The following SVEP1 variants were observed in gnomAD, a reference collection of about 807,000 sequenced individuals.
SVEP1 encodes the protein sushi, von Willebrand factor type A, EGF and pentraxin domain containing 1, also known as sushi, von Willebrand factor type A, EGF and pentraxin domain-containing protein 1.
A neutral mutation model predicts 367.3 loss-of-function variants in SVEP1; 164 were observed. That is an observed-to-expected ratio of 0.45 (90% confidence interval 0.39 to 0.51). The LOEUF is 0.51. Among genes scored for constraint, SVEP1 ranks in the 20% least tolerant of loss-of-function variants. SVEP1 has a pLI of 0.00. For synonymous variants in SVEP1, 1,666 were observed against 1,611.6 expected (o/e 1.03, Z -0.81); for missense variants, 4,117 against 4,425.3 (o/e 0.93, Z 1.98).
At chr9:110,438,706 C>T (rs1828468801) in intron 27 of SVEP1, among the ~76,000 whole-genome samples, 1 of 152,136 alleles carries the variant, frequency 6.6e-6, no homozygotes, top group Admixed American at 6.5e-5. Flanking sequence ...GGTAGTTAAA[C>T]TGATGGTTGC....
rs1054197294 is a variant in SVEP1 at position 110,434,386 on chromosome 9, T to C, written c.5009A>G (p.Gln1670Arg). Residue 1670 changes from glutamine to arginine, a missense_variant, in exon 30 of 48, where the codon CAG becomes CGG. By Grantham distance (43) the Gln-to-Arg change is conservative. This residue lies in a region of SVEP1 where 2,174 missense variants were observed against 2,494.3 expected (regional missense o/e 0.87). Transcript: ENST00000374469. ...PGFQLVGNPV[Q>R]YCLNQGQWTQ... The stretch of plus-strand genomic sequence containing the variant: ...CCACTGTCCTTGATTCAGACAGTAC[T>C]GCACAGGGTTCCCGACCAGCTGGAA... 6.2e-7 allele frequency: 1 copy of C among 1,613,372 alleles called. No individual in the cohort carries two copies. Among genetic ancestry groups the C allele is most frequent in the African/African-American group, 1.3e-5 (1 of 75,028 alleles).
At chr9:110,553,514 C>A (rs1830317768) in intron 1 of SVEP1, among the ~76,000 whole-genome samples, 1 of 152,136 alleles carries the variant, frequency 6.6e-6, no homozygotes, top group South Asian at 2.1e-4. Context: ...TTTTTGGAAT[C>A]CTGCCATCAC....
At chr9:110,540,730 G>C (rs909529223) in intron 3 of SVEP1, among the ~76,000 whole-genome samples, 1 of 152,130 alleles carries the variant, frequency 6.6e-6, no homozygotes, top group Admixed American at 6.6e-5. Flanking sequence ...ACTATTACTT[G>C]TCAGTGATTT....
chr9:110,530,711 A>AT lies in SVEP1; in HGVS notation c.964+15403dup, dbSNP rs1173016797. 7.2e-5 allele frequency among the ~76,000 whole-genome samples: 11 copies of AT among 151,892 alleles called. No homozygotes were observed. In the East Asian group the frequency reaches 2.1e-3, roughly 29 times the overall value. ...ACCACAGTGACCAGCTAATTTTTGT[A>AT]TTTTTTGTAGAGACGGGGTCTCACC... On this transcript the variant is annotated intron_variant, in intron 3 of 47. Coordinates refer to ENST00000374469, the MANE Select transcript of SVEP1 (RefSeq NM_153366.4).
At chr9:110,460,683 C>T (rs1234908624) in intron 18 of SVEP1, among the ~76,000 whole-genome samples, 1 of 151,800 alleles carries the variant, frequency 6.6e-6, no homozygotes, top group Admixed American at 6.6e-5. Context: ...ACCCAGGAGG[C>T]AGAGGTTGCA....
At chr9:110,528,154 G>GTATATATATATATATATA (rs1265572366) in intron 3 of SVEP1, among the ~76,000 whole-genome samples, 2 of 25,704 alleles carry the variant, frequency 7.8e-5, no homozygotes, top group Non-Finnish European at 1.1e-4. Context: ...GTGTGTGTGT[G>GTATATATATATATATATA]TGTATATATA....
intron 4 of SVEP1, 27 bp downstream of exon 4, chr9:110,513,921 C>T (rs1277881802): frequency 6.3e-7 from 1 of 1,595,472 alleles, no homozygotes; most frequent in African/African-American, 1.3e-5. Context: ...TTTTATATTT[C>T]CCATTTTCCA....
rs1408264453 is a variant in SVEP1 at position 110,579,091 on chromosome 9, C to G, written c.453G>C (p.Ala151=). Residue 151 remains alanine (A), a synonymous_variant, in exon 1 of 48, where the codon GCG becomes GCC. Coordinates refer to ENST00000374469, the MANE Select transcript of SVEP1 (RefSeq NM_153366.4). The surrounding 1 kb of genome is among the most constrained non-coding windows in gnomAD (Gnocchi z 5.3). ...STRRARQHKC[A]LLLQEIPAIS... is the part of the protein sequence containing the mutation. ...TGGCAGGGATCTCTTGGAGGAGCAG[C>G]GCGCACTTGTGCTGGCGCGCGCGGC... 126 of 1,552,084 alleles carry G rather than the reference C, an allele frequency of 8.1e-5. No individual in the cohort carries two copies. Among genetic ancestry groups the G allele is most frequent in the Non-Finnish European group, 9.7e-5 (111 of 1,148,010 alleles).
intron 13 of SVEP1, among the ~76,000 whole-genome samples, chr9:110,476,968 C>T (rs1473989346): frequency 6.6e-6 from 1 of 152,154 alleles, no homozygotes; most frequent in Non-Finnish European, 1.5e-5. Flanking sequence ...GTGACAGTCA[C>T]CTGCAGCATT....
At chr9:110,543,890 G>A (rs2118839359) in intron 3 of SVEP1, among the ~76,000 whole-genome samples, 2 of 152,248 alleles carry the variant, frequency 1.3e-5, no homozygotes, top group South Asian at 4.1e-4. Context: ...GAGGCACTTT[G>A]CCAACTCAGA....
Position 110,459,186 on chromosome 9 carries a change from T to C in SVEP1, c.3323-73A>G, listed in dbSNP as rs1306354490. The C allele has an allele frequency of 1.3e-5, 19 of 1,420,412 alleles. No individual in the cohort carries two copies. In the Admixed American group the frequency reaches 3.6e-4, roughly 27 times the overall value. 88.0% of individuals were successfully genotyped at this position (1,420,412 alleles called of 1,614,324 possible). A position where few individuals can be genotyped will look rare whatever the true frequency, so the allele number is the denominator to read the frequency against. On this transcript the variant is annotated intron_variant, in intron 18 of 47. Transcript: ENST00000374469. ...TACATTTGAAAGAAGTGATTTAATCTGTGCATATAAGAAACCTACTGAATT... is the reference window on the plus strand; with the variant it reads ...TACATTTGAAAGAAGTGATTTAATCCGTGCATATAAGAAACCTACTGAATT...
chr9:110,515,562 AGTGCTGGGATTACAGGC>A (rs1829789433), intron 3 of SVEP1, among the ~76,000 whole-genome samples: 1 of 152,074 alleles, frequency 6.6e-6, no homozygotes, highest in African/African-American at 2.4e-5. Flanking sequence ...AGCCTCCCAA[AGTGCTGGGATTACAGGC>A]GTGAGCCACC....
intron 1 of SVEP1, among the ~76,000 whole-genome samples, chr9:110,566,421 A>G (rs1236717584): frequency 6.6e-6 from 1 of 152,144 alleles, no homozygotes; most frequent in Non-Finnish European, 1.5e-5. Flanking sequence ...ATAAATTCAT[A>G]TGGGTAAAGT....
chr9:110,420,273 G>A (rs1828164507), intron 36 of SVEP1, among the ~76,000 whole-genome samples: 1 of 19,772 alleles, frequency 5.1e-5, no homozygotes, highest in Non-Finnish European at 8.4e-5. Context: ...AATAAAAAAT[G>A]ATAAAGGGGA....
At chr9:110,388,447 C>G (rs1827559910) in intron 41 of SVEP1, among the ~76,000 whole-genome samples, 1 of 152,108 alleles carries the variant, frequency 6.6e-6, no homozygotes, top group African/African-American at 2.4e-5. Flanking sequence ...CTTAGAGAAC[C>G]TGGGAAGCAT....
At chr9:110,546,440 A>T (rs1830222092) in intron 2 of SVEP1, 149 bp from the exon 3 acceptor site, 1 of 914,648 alleles carries the variant, frequency 1.1e-6, no homozygotes, top group African/African-American at 1.7e-5. Flanking sequence ...CCCAAATACG[A>T]ATGTGTGTTA....
At chr9:110,430,058 T>A (rs1828326333) in intron 33 of SVEP1, 54 bp from the exon 34 acceptor site, 2 of 1,569,034 alleles carry the variant, frequency 1.3e-6, no homozygotes, top group Non-Finnish European at 1.7e-6. Context: ...TGCAAAAATC[T>A]TTGAAATTTC....
Position 110,415,033 on chromosome 9 carries a change from A to G in SVEP1, c.5976-3298T>C, listed in dbSNP as rs144925951. Among the ~76,000 whole-genome samples the G allele has an allele frequency of 4.8e-4, 73 of 152,186 alleles. No individual in the cohort carries two copies. In the East Asian group the frequency reaches 0.013, roughly 27 times the overall value. On this transcript the variant is annotated intron_variant, in intron 36 of 47. Coordinates refer to ENST00000374469, the MANE Select transcript of SVEP1 (RefSeq NM_153366.4). ...GCATGAAAAGGAAAATGAGAAACAA[A>G]TGACCACTTACGTATTTGAGCAAAC...
At position 110,539,775 on chromosome 9, in the gene SVEP1, T is replaced by A. The variant is rs1830122143; in HGVS notation, c.964+6340A>T. 2.0e-5 allele frequency among the ~76,000 whole-genome samples: 3 copies of A among 151,970 alleles called. No homozygotes were observed. In the South Asian group the frequency reaches 6.2e-4, roughly 31 times the overall value. On this transcript the variant is annotated intron_variant, in intron 3 of 47. Coordinates refer to ENST00000374469, the MANE Select transcript of SVEP1 (RefSeq NM_153366.4). ...TTTCTCTGTAACACTCCGATTTTAG[T>A]ATATATGCTGCCAAAGCAAGCACAA...
Sources: gnomAD v4.1 joint callset for allele counts (sites outside exome capture counted in the v4.1 genomes callset) on GRCh38, gnomAD v4.1.1 for gene constraint, gnomAD v4.1.1 regional missense constraint, Gnocchi (gnomAD v3.1) non-coding constraint, MANE v1.5 for transcripts, NCBI Gene and HGNC (gene_info 2026-07-23, HGNC 2026-07-21) for gene names.